TMIGD3: variants seen among roughly 807,000 people sequenced by gnomAD.
TMIGD3 encodes the protein transmembrane and immunoglobulin domain containing 3.
TMIGD3 carries 21 observed loss-of-function variants against 28.1 expected under a neutral mutation model. That is an observed-to-expected ratio of 0.75 (90% CI 0.53 to 1.08). The LOEUF (loss-of-function observed/expected upper bound fraction) is 1.08. Among genes scored for constraint, TMIGD3 ranks in the 50% least tolerant of loss-of-function variants. The pLI, the probability that TMIGD3 is intolerant of heterozygous loss-of-function variation, is 0.00. For synonymous variants in TMIGD3, 151 were observed against 162.1 expected (o/e 0.93, Z 0.52); for missense variants, 416 against 435.6 (o/e 0.96, Z 0.40).
intron 1 of TMIGD3, among the ~76,000 whole-genome samples, chr1:111,518,369 G>A (rs947521387): frequency 6.6e-6 from 1 of 152,182 alleles, no homozygotes; most frequent in East Asian, 1.9e-4. Context: ...TGACATTGTG[G>A]ACTGGATAAC....
At chr1:111,500,588 A>G (rs1203368621) in intron 1 of TMIGD3, 1 of 1,603,302 alleles carries the variant, frequency 6.2e-7, no homozygotes, top group Non-Finnish European at 8.5e-7. Flanking sequence ...GTGAGTCCAC[A>G]GCAGTAATTG....
chr1:111,497,201 C>T (rs1264018934), intron 1 of TMIGD3, among the ~76,000 whole-genome samples: 2 of 152,162 alleles, frequency 1.3e-5, no homozygotes, highest in Admixed American at 6.5e-5. Context: ...AGCTCCGCCT[C>T]CCGGGTTCAC....
At chr1:111,500,785 C>T (rs1389130453) in intron 1 of TMIGD3, 6 of 560,954 alleles carry the variant, frequency 1.1e-5, no homozygotes. Flanking sequence ...ATCCAGGAAA[C>T]TTCTCTGGGG....
chr1:111,512,003 TC>T (rs1655706559), intron 1 of TMIGD3, among the ~76,000 whole-genome samples: 1 of 140,900 alleles, frequency 7.1e-6, no homozygotes, highest in Non-Finnish European at 1.5e-5. Flanking sequence ...CAGTTCAGGG[TC>T]AAAACTAGAA....
At chr1:111,492,856 T>C (rs920675473) in intron 1 of TMIGD3, among the ~76,000 whole-genome samples, 2 of 150,590 alleles carry the variant, frequency 1.3e-5, no homozygotes, top group African/African-American at 4.9e-5. Context: ...TAAATGAAAG[T>C]GCCAGAGCTA....
chr1:111,502,957 T>A, intron 1 of TMIGD3, 48 bp downstream of exon 1: 1 of 1,597,182 alleles, frequency 6.3e-7, no homozygotes, highest in Non-Finnish European at 8.5e-7. Flanking sequence ...CTTTGTAGCC[T>A]CATTTCCCAG....
At position 111,490,519 on chromosome 1, in the gene TMIGD3, G is replaced by A. The variant is rs1249056233; in HGVS notation, c.457+137C>T. The A allele has an allele frequency of 1.2e-4, 78 of 628,670 alleles. 2 individuals carry two copies. The highest frequency in any genetic ancestry group is 9.4e-4 in the South Asian group (48 of 51,120). The allele number at this position is 628,670 out of a possible 1,614,324, so 38.9% of individuals were successfully genotyped here. ...AATATGGACAAGACCTATTTTCATC[G>A]CCTTTTATTTTCCCATCCCACTCCT... On this transcript the variant is annotated intron_variant, in intron 2 of 5. Coordinates refer to ENST00000369716, the MANE Select transcript of TMIGD3 (RefSeq NM_020683.7).
At chr1:111,508,516 AG>A (rs1655589591), upstream of TMIGD3, among the ~76,000 whole-genome samples, 1 of 152,198 alleles carries the variant, frequency 6.6e-6, no homozygotes, top group South Asian at 2.1e-4. Flanking sequence ...AGAAAATGAA[AG>A]AAGTGAGAAT....
rs776212806 is a variant in TMIGD3 at position 111,488,868 on chromosome 1, C to A, written c.614G>T (p.Ser205Ile). The change falls in exon 3 of 6, where the codon AGC (serine) becomes ATC (isoleucine). Residue 205 changes from serine to isoleucine, a missense_variant. By Grantham distance (142) the Ser-to-Ile change is moderately radical. Transcript: ENST00000369716. The part of the protein sequence containing the change: ...YCNIIAFSPN[S>I]TNHVALRDTG... ...GTCCCTCAGGGCCACATGATTGGTG[C>A]TGTTAGGGGAGAAGGCGATGATGTT... 1.2e-6 allele frequency: 2 copies of A among 1,614,128 alleles called. No individual in the cohort carries two copies. The highest frequency in any genetic ancestry group is 2.2e-5 in the South Asian group (2 of 91,070).
intron 1 of TMIGD3, among the ~76,000 whole-genome samples, chr1:111,513,967 G>C (rs1313836126): frequency 9.9e-5 from 15 of 152,278 alleles, no homozygotes; most frequent in Admixed American, 9.8e-4. Context: ...TGGGAAGAAG[G>C]TCCAAGAATC....
At chr1:111,515,858 G>A (rs1431682347) in intron 1 of TMIGD3, among the ~76,000 whole-genome samples, 1 of 152,242 alleles carries the variant, frequency 6.6e-6, no homozygotes, top group Non-Finnish European at 1.5e-5. Context: ...GGGAGCCGGG[G>A]AGGCCGGAGG....
chr1:111,543,640 AG>A (rs1656928350), intron 1 of TMIGD3, among the ~76,000 whole-genome samples: 2 of 149,628 alleles, frequency 1.3e-5, no homozygotes, highest in Admixed American at 1.3e-4. Context: ...GAGGAGGAAG[AG>A]AAGGAGGAAT....
At chr1:111,502,917 C>T in intron 1 of TMIGD3, 88 bp downstream of exon 1, 1 of 1,501,542 alleles carries the variant, frequency 6.7e-7, no homozygotes, top group African/African-American at 1.4e-5. Context: ...AATTTGGATA[C>T]ATTTTTACTC....
At chr1:111,504,186 A>G (rs974080007), upstream of TMIGD3, 12 of 946,266 alleles carry the variant, frequency 1.3e-5, no homozygotes, top group African/African-American at 1.8e-5. Flanking sequence ...ACCTCTGAGA[A>G]GCATCACACC....
At chr1:111,485,322 C>T (rs776357262) in intron 5 of TMIGD3, 18 of 157,074 alleles carry the variant, frequency 1.1e-4, no homozygotes, top group South Asian at 5.9e-4. Context: ...GATCATACTT[C>T]GGCACTCAAG....
Position 111,484,491 on chromosome 1 carries a change from G to T in TMIGD3, c.974-734C>A, listed in dbSNP as rs913981870. On this transcript the variant is annotated intron_variant, in intron 5 of 5. Coordinates refer to ENST00000369716, the MANE Select transcript of TMIGD3 (RefSeq NM_020683.7). ...AATTGTGTCCAGAAGGGCTGGTCTT[G>T]GGCAGACCTGAGAAAGCCATTGTCT... 7.9e-5 allele frequency among the ~76,000 whole-genome samples: 12 copies of T among 152,180 alleles called. 2 individuals are homozygous for T. Among genetic ancestry groups the T allele is most frequent in the Admixed American group, 7.2e-4 (11 of 15,290 alleles).
chr1:111,544,541 T>C (rs1216780982), intron 1 of TMIGD3, among the ~76,000 whole-genome samples: 1 of 152,168 alleles, frequency 6.6e-6, no homozygotes, highest in African/African-American at 2.4e-5. Context: ...TATCAGTATA[T>C]CAGTCATTTT....
chr1:111,507,850 AG>A (rs1187687312), upstream of TMIGD3, among the ~76,000 whole-genome samples: 1 of 152,256 alleles, frequency 6.6e-6, no homozygotes, highest in Non-Finnish European at 1.5e-5. Flanking sequence ...GCTCAGGGTC[AG>A]CCCTGAAGGT....
chr1:111,519,428 C>G (rs1373405951), intron 1 of TMIGD3, among the ~76,000 whole-genome samples: 1 of 152,214 alleles, frequency 6.6e-6, no homozygotes, highest in Non-Finnish European at 1.5e-5. Context: ...AGAATCACAA[C>G]TCAAACTTCT....
Sources: allele counts gnomAD v4.1 joint callset (sites outside exome capture counted in the v4.1 genomes callset), GRCh38; gene constraint gnomAD v4.1.1; transcripts MANE v1.5; gene names NCBI Gene and HGNC (gene_info 2026-07-23, HGNC 2026-07-21).